The following MORN1 variants were observed in gnomAD, a reference collection of about 807,000 sequenced individuals.
MORN1 encodes MORN repeat-containing protein 1.
In MORN1, 67 loss-of-function variants were observed where a neutral mutation model predicts 61.9. That is an observed-to-expected ratio of 1.08 (90% CI 0.89 to 1.33). The LOEUF is 1.33. Ranked by LOEUF, MORN1 falls within the 40% of genes most tolerant of loss-of-function variation. The pLI, the probability that MORN1 is intolerant of heterozygous loss-of-function variation, is 0.00. For missense variants in MORN1, 752 were observed against 691.2 expected, an observed-to-expected ratio of 1.09 and a Z score of -0.99; for synonymous variants, 301 against 292.0, an observed-to-expected ratio of 1.03 and a Z score of -0.31.
intron 12 of MORN1, chr1:2,332,749 G>C (rs1641186425): frequency 2.2e-6 from 1 of 456,322 alleles, no homozygotes; most frequent in Admixed American, 2.3e-5. Context: ...GCTCCTGTTG[G>C]GATCCTGGGA....
chr1:2,374,823 A>C, intron 6 of MORN1: 1 of 392,958 alleles, frequency 2.5e-6, no homozygotes, highest in East Asian at 4.2e-5. Context: ...CACAGTATAT[A>C]AAATGCAAAC....
chr1:2,343,015 G>A (rs897952070), intron 10 of MORN1, among the ~76,000 whole-genome samples: 9 of 151,922 alleles, frequency 5.9e-5, no homozygotes, highest in South Asian at 2.1e-4. Context: ...CTGGGATCAC[G>A]GGCGTGGCCC....
At chr1:2,374,727 T>A (rs1261359631) in intron 6 of MORN1, 170 bp from the exon 7 acceptor site, 7 of 578,800 alleles carry the variant, frequency 1.2e-5, no homozygotes, top group African/African-American at 3.7e-5. Flanking sequence ...GGTGAGAAAC[T>A]GTTTCATTAG....
At chr1:2,329,535 G>A (rs925920820) in intron 12 of MORN1, among the ~76,000 whole-genome samples, 1 of 152,166 alleles carries the variant, frequency 6.6e-6, no homozygotes, top group African/African-American at 2.4e-5. Flanking sequence ...CCCACCCTGG[G>A]GCCAGGCCCC....
At chr1:2,348,545 AGCCGCT>A (rs1641564546) in intron 10 of MORN1, among the ~76,000 whole-genome samples, 1 of 152,084 alleles carries the variant, frequency 6.6e-6, no homozygotes, top group South Asian at 2.1e-4. Flanking sequence ...CCTGCTGGGG[AGCCGCT>A]GCCCACGGGC....
chr1:2,331,868 C>CGAAATTACAGGCTGGTGTGTCACTTTTCA, intron 12 of MORN1, among the ~76,000 whole-genome samples: 1 of 143,508 alleles, frequency 7.0e-6, no homozygotes, highest in Non-Finnish European at 1.5e-5. Flanking sequence ...GCGCCTCTCC[C>CGAAATTACAGGCTGGTGTGTCACTTTTCA]TCGTGCGCCT....
At position 2,348,604 on chromosome 1, in the gene MORN1, C is replaced by T. The variant is rs548513772; in HGVS notation, c.1036+8828G>A. Among the ~76,000 whole-genome samples the T allele has an allele frequency of 4.5e-4, 69 of 152,258 alleles. 1 individual carries two copies. Among genetic ancestry groups the T allele is most frequent in the South Asian group, 3.7e-3 (18 of 4,832 alleles). On this transcript the variant is annotated intron_variant, in intron 10 of 13. Coordinates refer to ENST00000378531, the MANE Select transcript of MORN1 (RefSeq NM_024848.3). ...GTGCACACACACGCATGCGCACATA[C>T]GTGCACCTAGGCAGGCACGCACGCA...
At chr1:2,327,361 C>T (rs1641055655) in intron 12 of MORN1, among the ~76,000 whole-genome samples, 2 of 151,150 alleles carry the variant, frequency 1.3e-5, no homozygotes, top group African/African-American at 4.9e-5. Flanking sequence ...AACACAGAAA[C>T]ACAGAGACAC....
At chr1:2,342,508 G>A (rs1641415925) in intron 10 of MORN1, among the ~76,000 whole-genome samples, 1 of 152,274 alleles carries the variant, frequency 6.6e-6, no homozygotes, top group Non-Finnish European at 1.5e-5. Flanking sequence ...CCATCAGTCA[G>A]CCGAGAAGCG....
chr1:2,357,562 G>A lies in MORN1; in HGVS notation c.906C>T (p.Pro302=), dbSNP rs780531708. 20 of 1,611,112 alleles carry A rather than the reference G, an allele frequency of 1.2e-5. No individual in the cohort carries two copies. Among genetic ancestry groups the A allele is most frequent in the Non-Finnish European group, 1.5e-5 (18 of 1,178,864 alleles). ...CTCTGGGCCCCGGCACCCCAGCTGCGGGGCTGGACACAGGATAAGGGATGC... is the reference window on the plus strand; with the variant it reads ...CTCTGGGCCCCGGCACCCCAGCTGCAGGGCTGGACACAGGATAAGGGATGC... The part of the protein sequence containing the change: ...FECIPYPVSS[P]AAGVPGPRAA... Residue 302 remains proline, a synonymous_variant, in exon 10 of 14, where the codon CCC becomes CCT. Transcript: ENST00000378531. This position sits in a 1 kb window ranked among gnomAD's most constrained non-coding sequence, Gnocchi z 6.3.
chr1:2,338,022 T>G (rs1569938862), intron 10 of MORN1, among the ~76,000 whole-genome samples: 1 of 152,042 alleles, frequency 6.6e-6, no homozygotes, highest in Non-Finnish European at 1.5e-5. Context: ...CAGCTTCATT[T>G]GAGGCCAGAG....
intron 8 of MORN1, among the ~76,000 whole-genome samples, chr1:2,363,857 T>C (rs1375007364): frequency 4.0e-5 from 6 of 148,216 alleles, no homozygotes; most frequent in African/African-American, 1.2e-4. Flanking sequence ...AATGGAATCA[T>C]AAAAAATGCC....
In MORN1 at chr1:2,337,496, G is replaced by T. The variant is rs769237012; in HGVS notation, c.1037-646C>A. Among the ~76,000 whole-genome samples, 2 of 152,120 alleles carry T rather than the reference G, an allele frequency of 1.3e-5. No homozygotes were observed. Among genetic ancestry groups the T allele is most frequent in the Non-Finnish European group, 2.9e-5 (2 of 68,002 alleles). ...CCTAGCTTTTTCCAGCCCCTCTCCCGGGGTCCCAGGGTGCGAGGTATGGGG... is the reference window on the plus strand; with the variant it reads ...CCTAGCTTTTTCCAGCCCCTCTCCCTGGGTCCCAGGGTGCGAGGTATGGGG... On this transcript the variant is annotated intron_variant, in intron 10 of 13. Coordinates refer to ENST00000378531, the MANE Select transcript of MORN1 (RefSeq NM_024848.3). The surrounding 1 kb of genome is among the most constrained non-coding windows in gnomAD (Gnocchi z 5.7).
At chr1:2,374,302 A>T (rs575111957) in intron 7 of MORN1, among the ~76,000 whole-genome samples, 159 bp downstream of exon 7, 2 of 152,274 alleles carry the variant, frequency 1.3e-5, no homozygotes, top group South Asian at 2.1e-4. Context: ...ATCAGATTAG[A>T]ACATGTTTTT....
Position 2,323,483 on chromosome 1 carries a change from G to A in MORN1, c.1297+614C>T, listed in dbSNP as rs1204133579. The A allele has an allele frequency of 3.0e-6, 3 of 985,314 alleles. No individual in the cohort carries two copies. The African/African-American group carries it at 5.2e-5, about 17-fold the overall frequency. 61.0% of individuals were successfully genotyped at this position (985,314 alleles called of 1,614,324 possible). A position where few individuals can be genotyped will look rare whatever the true frequency, so the allele number is the denominator to read the frequency against. ...CAGTCAGCCGCGGTGCCCAGGTCCT[G>A]CTAGGGGTCCGAGCCTTTGTGTAGC... On this transcript the variant is annotated intron_variant, in intron 13 of 13. Transcript: ENST00000378531.
Position 2,326,714 on chromosome 1 carries a change from C to T in MORN1, c.1251-2571G>A, listed in dbSNP as rs190873044. The T allele has an allele frequency of 1.7e-4, 26 of 152,754 alleles. No homozygotes were observed. The East Asian group carries it at 4.6e-3, about 27-fold the overall frequency. The allele number at this position is 152,754 out of a possible 1,614,324, so 9.5% of individuals were successfully genotyped here. A position where few individuals can be genotyped will look rare whatever the true frequency, so the allele number is the denominator to read the frequency against. ...TGCCCTCTGGAGGCCCCAGTAAGTC[C>T]GCACCACCCCGGCGCCATCTCCTGC... is the stretch of plus-strand genomic sequence containing the variant. On this transcript the variant is annotated intron_variant, in intron 12 of 13. Coordinates refer to ENST00000378531, the MANE Select transcript of MORN1 (RefSeq NM_024848.3).
chr1:2,341,350 T>C (rs576283876), intron 10 of MORN1, among the ~76,000 whole-genome samples: 2 of 151,580 alleles, frequency 1.3e-5, no homozygotes, highest in East Asian at 3.9e-4. Context: ...ATCACCCTGC[T>C]CATGCCCCCG....
At chr1:2,385,098 C>G (rs1406294849) in intron 5 of MORN1, 33 bp from the exon 6 acceptor site, 2 of 1,558,810 alleles carry the variant, frequency 1.3e-6, no homozygotes, top group South Asian at 1.2e-5. Context: ...CCACTCTCAA[C>G]AGGGGGAGCC....
chr1:2,374,388 ATG>A, intron 7 of MORN1, 71 bp downstream of exon 7: 1 of 1,364,094 alleles, frequency 7.3e-7, no homozygotes, highest in South Asian at 1.3e-5. Context: ...TGTTTCCCAT[ATG>A]GCTGCCCGGG....
Sources: gnomAD v4.1 joint callset for allele counts (sites outside exome capture counted in the v4.1 genomes callset) on GRCh38, gnomAD v4.1.1 for gene constraint, Gnocchi (gnomAD v3.1) non-coding constraint, MANE v1.5 for transcripts, NCBI Gene and HGNC (gene_info 2026-07-23, HGNC 2026-07-21) for gene names.